Variants in DLGAP5 observed in about 807,000 individuals in gnomAD.
DLGAP5 encodes DLG associated protein 5, also known as disks large-associated protein 5.
A neutral mutation model predicts 99.6 loss-of-function variants in DLGAP5; 90 were observed. That is an observed-to-expected ratio of 0.90 (90% CI 0.76 to 1.08). DLGAP5 has a LOEUF of 1.08. DLGAP5 is among the 50% of genes least tolerant of loss of function. The probability of loss-of-function intolerance (pLI) is 0.00; values close to 1 mark genes in which losing one functional copy is unlikely to be tolerated. For synonymous variants in DLGAP5, 311 were observed against 321.3 expected, an observed-to-expected ratio of 0.97 and a Z score of 0.34; for missense variants, 1,036 against 983.5, an observed-to-expected ratio of 1.05 and a Z score of -0.71.
chr14:55,173,276 A>G (rs1249819719), intron 10 of DLGAP5, among the ~76,000 whole-genome samples: 1,821 of 129,376 alleles, frequency 0.014, 48 homozygotes, highest in African/African-American at 0.082. Flanking sequence ...TCTCTACAAA[A>G]AAAAAAAAAA....
rs770145977 is a variant in DLGAP5 at position 55,177,343 on chromosome 14, T to A, written c.775-7A>T. 2 of 1,575,944 alleles carry A rather than the reference T, an allele frequency of 1.3e-6. No individual in the cohort carries two copies. On this transcript the variant is annotated splice_region_variant and splice_polypyrimidine_tract_variant and intron_variant, in intron 7 of 18. Coordinates refer to ENST00000247191, the MANE Select transcript of DLGAP5 (RefSeq NM_014750.5). ...CGACTTTACAAGAAATACCCTAGGATGTGAGTTAACAAAGTAGAGTAAGAT... is the reference window on the plus strand; with the variant it reads ...CGACTTTACAAGAAATACCCTAGGAAGTGAGTTAACAAAGTAGAGTAAGAT...
intron 12 of DLGAP5, among the ~76,000 whole-genome samples, chr14:55,168,452 T>C (rs1882722806): frequency 6.6e-6 from 1 of 152,258 alleles, no homozygotes; most frequent in African/African-American, 2.4e-5. Context: ...TCCTAGATGT[T>C]TGCTTTGGCC....
intron 12 of DLGAP5, among the ~76,000 whole-genome samples, chr14:55,167,324 C>T (rs1238544968): frequency 1.3e-5 from 2 of 149,960 alleles, no homozygotes; most frequent in Admixed American, 1.3e-4. Flanking sequence ...AATAATGATA[C>T]AAAAATCACC....
chr14:55,184,704 A>C (rs1308013986), intron 2 of DLGAP5, among the ~76,000 whole-genome samples: 1 of 152,204 alleles, frequency 6.6e-6, no homozygotes, highest in Admixed American at 6.5e-5. Context: ...AGTCCTATGG[A>C]GATGTCCACA....
chr14:55,185,105 T>C (rs1236005998), intron 2 of DLGAP5, among the ~76,000 whole-genome samples: 2 of 152,214 alleles, frequency 1.3e-5, no homozygotes, highest in African/African-American at 4.8e-5. Flanking sequence ...CGGTAATTTC[T>C]CCCAACCTAC....
intron 1 of DLGAP5, among the ~76,000 whole-genome samples, chr14:55,190,599 T>C (rs1883580885): frequency 1.3e-5 from 2 of 152,206 alleles, no homozygotes; most frequent in South Asian, 4.1e-4. Flanking sequence ...CTATGGTATA[T>C]TCTTCAACAA....
chr14:55,162,618 C>CA (rs368322756), intron 13 of DLGAP5, among the ~76,000 whole-genome samples: 2,477 of 138,938 alleles, frequency 0.018, 37 homozygotes, highest in Middle Eastern at 0.029. Flanking sequence ...GATTCCATCT[C>CA]AAAAAAAAAA....
intron 7 of DLGAP5, among the ~76,000 whole-genome samples, chr14:55,178,133 T>C (rs1414646031): frequency 6.6e-6 from 1 of 151,676 alleles, no homozygotes; most frequent in Non-Finnish European, 1.5e-5. Context: ...GCGCCTATAG[T>C]CCCAGCTACT....
At chr14:55,170,838 G>T in intron 10 of DLGAP5, 51 bp from the exon 11 acceptor site, 1 of 1,314,114 alleles carries the variant, frequency 7.6e-7, no homozygotes, top group Non-Finnish European at 1.1e-6. Flanking sequence ...TACACTAGTA[G>T]CTAAGTATTA....
At chr14:55,183,537 T>C (rs1883337207) in intron 3 of DLGAP5, 23 bp downstream of exon 3, 1 of 1,502,938 alleles carries the variant, frequency 6.7e-7, no homozygotes. Flanking sequence ...AACTATTCCT[T>C]TATATTAAGA....
chr14:55,176,042 C>T (rs1883050980), intron 8 of DLGAP5, 24 bp from the exon 9 acceptor site: 3 of 1,588,376 alleles, frequency 1.9e-6, no homozygotes, highest in Non-Finnish European at 2.6e-6. Flanking sequence ...CAAAAATATA[C>T]TTCATGAAAC....
intron 2 of DLGAP5, among the ~76,000 whole-genome samples, chr14:55,184,579 G>A (rs1283289569): frequency 3.3e-5 from 5 of 152,178 alleles, no homozygotes; most frequent in Non-Finnish European, 7.3e-5. Context: ...GAGTATTACA[G>A]GAATAATGGA....
chr14:55,176,015 A>G lies in DLGAP5; in HGVS notation c.1053T>C (p.Asp351=). ...YTWTPLKTEV[D]ESQATKEILA... ...AAATTTCTTTTGTTGCTTGAGACTC[A>G]TCACTAAAAACAATAGCAAAAATAT... Residue 351 remains aspartate (D), a synonymous_variant, in exon 9 of 19, where the codon GAT becomes GAC. Coordinates refer to ENST00000247191, the MANE Select transcript of DLGAP5 (RefSeq NM_014750.5). 3 of 1,603,024 alleles carry G rather than the reference A, an allele frequency of 1.9e-6. No homozygotes were observed. The highest frequency in any genetic ancestry group is 2.6e-6 in the Non-Finnish European group (3 of 1,174,006).
intron 14 of DLGAP5, among the ~76,000 whole-genome samples, chr14:55,157,923 C>T (rs990731780): frequency 3.9e-5 from 6 of 152,122 alleles, no homozygotes; most frequent in South Asian, 4.1e-4. Context: ...CTGCCAGGCT[C>T]GGTTAATATT....
chr14:55,152,631 C>T lies in DLGAP5; in HGVS notation c.2080G>A (p.Ala694Thr). The change falls in exon 16 of 19, where the codon GCT becomes ACT. Residue 694 changes from alanine to threonine, a missense_variant. Physicochemically the swap from Ala to Thr is moderately conservative, Grantham distance 58 (BLOSUM62 0). Transcript: ENST00000247191. ...AAATCTGGTAATCCAGGACACTGAG[C>T]ATCTTCTATGCTGCTCCTAAAGAAG... ...IPESRSSIED[A>T]QCPGLPDLIE... The T allele has an allele frequency of 1.2e-6, 2 of 1,601,368 alleles. No homozygotes were observed. The highest frequency in any genetic ancestry group is 1.1e-5 in the South Asian group (1 of 87,978).
In DLGAP5 at chr14:55,154,761, G is replaced by C. The variant is rs755329111; in HGVS notation, c.1919C>G (p.Pro640Arg). ...SEGPSQRLGT[P>R]KSVNKAVSQS... ...AGATACAGCTTTGTTGACAGACTTA[G>C]GTGTTCCAAGTCTTTGAGAAGGGCC... is the stretch of plus-strand genomic sequence containing the variant. Residue 640 changes from proline (P) to arginine (R), a missense_variant, in exon 15 of 19, where the codon CCT (proline) becomes CGT (arginine). Physicochemically the swap from Pro to Arg is moderately radical, Grantham distance 103 (BLOSUM62 -2). Transcript: ENST00000247191. 1.6e-5 allele frequency: 26 copies of C among 1,614,082 alleles called. No homozygotes were observed. The highest frequency in any genetic ancestry group is 2.2e-5 in the East Asian group (1 of 44,868).
intron 2 of DLGAP5, 44 bp downstream of exon 2, chr14:55,188,898 T>G: frequency 1.3e-6 from 2 of 1,495,094 alleles, no homozygotes; most frequent in Non-Finnish European, 1.8e-6. Flanking sequence ...CCAACTATTA[T>G]TCACTCTTCA....
intron 2 of DLGAP5, 78 bp downstream of exon 2, chr14:55,188,864 T>C (rs570451718): frequency 9.5e-7 from 1 of 1,050,630 alleles, no homozygotes; most frequent in South Asian, 1.5e-5. Context: ...CTGGCCAGAG[T>C]TTTTTACTCA....
chr14:55,157,166 A>G (rs181324639), intron 14 of DLGAP5, among the ~76,000 whole-genome samples: 214 of 152,366 alleles, frequency 1.4e-3, no homozygotes, highest in Admixed American at 1.8e-3. Flanking sequence ...CCTCATATCA[A>G]CTATGTGCTC....
Sources: gnomAD v4.1 joint callset for allele counts (sites outside exome capture counted in the v4.1 genomes callset) on GRCh38, gnomAD v4.1.1 for gene constraint, MANE v1.5 for transcripts, NCBI Gene and HGNC (gene_info 2026-07-23, HGNC 2026-07-21) for gene names.